Variants in EEA1 observed in about 807,000 individuals in gnomAD.
The protein encoded by EEA1 is early endosome antigen 1, also known as early endosome antigen 1, 162kD.
In EEA1, 111 loss-of-function variants were observed where a neutral mutation model predicts 209.2. The ratio of observed to expected loss-of-function variants is 0.53; its 90% CI spans 0.45 to 0.62. The LOEUF is 0.62. Ranked by LOEUF, EEA1 falls within the 20% of genes least tolerant of loss-of-function variation. The pLI, the probability that EEA1 is intolerant of heterozygous loss-of-function variation, is 0.00. For missense variants in EEA1, 1,343 were observed against 1,530.8 expected, an observed-to-expected ratio of 0.88 and a Z score of 2.05; for synonymous variants, 536 against 540.6, an observed-to-expected ratio of 0.99 and a Z score of 0.12.
chr12:92,883,258 T>TTCAATTCAACAA (rs1259161531), intron 2 of EEA1, among the ~76,000 whole-genome samples: 1 of 152,194 alleles, frequency 6.6e-6, no homozygotes, highest in Non-Finnish European at 1.5e-5. Context: ...AATGGGGCTT[T>TTCAATTCAACAA]TTGCTTGTTC....
intron 2 of EEA1, among the ~76,000 whole-genome samples, chr12:92,886,261 A>G (rs1879379350): frequency 6.7e-6 from 1 of 149,030 alleles, no homozygotes; most frequent in Non-Finnish European, 1.5e-5. Flanking sequence ...CAGCTACTCA[A>G]GAGGCTGAGG....
intron 14 of EEA1, 41 bp downstream of exon 14, chr12:92,819,267 A>C (rs1875937057): frequency 6.8e-7 from 1 of 1,473,312 alleles, no homozygotes; most frequent in East Asian, 2.3e-5. Context: ...TTAGAGAGAC[A>C]GAAGTAAATT....
chr12:92,928,094 C>A (rs1003362945), intron 1 of EEA1, among the ~76,000 whole-genome samples: 1 of 152,068 alleles, frequency 6.6e-6, no homozygotes, highest in South Asian at 2.1e-4. Context: ...AGGCTCGGCA[C>A]CTACTTTTCA....
At chr12:92,869,830 C>G (rs1285485043) in intron 2 of EEA1, among the ~76,000 whole-genome samples, 1 of 128,210 alleles carries the variant, frequency 7.8e-6, no homozygotes, top group Non-Finnish European at 1.6e-5. Flanking sequence ...GAGATTATTA[C>G]TTTTGATTTT....
At chr12:92,924,142 A>C (rs564880370) in intron 1 of EEA1, among the ~76,000 whole-genome samples, 47 of 152,110 alleles carry the variant, frequency 3.1e-4, no homozygotes, top group African/African-American at 1.1e-3. Context: ...TAAGAAAAGA[A>C]AGTTAAACAC....
At chr12:92,817,433 C>T (rs964072541) in intron 14 of EEA1, among the ~76,000 whole-genome samples, 5 of 151,920 alleles carry the variant, frequency 3.3e-5, no homozygotes, top group African/African-American at 1.2e-4. Flanking sequence ...AGTGCAGTAG[C>T]ACAGTGATAG....
chr12:92,897,370 C>T (rs138218890), intron 1 of EEA1, among the ~76,000 whole-genome samples: 1 of 152,280 alleles, frequency 6.6e-6, no homozygotes, highest in African/African-American at 2.4e-5. Flanking sequence ...AGGAGTGTGA[C>T]CTTTGTAACT....
In EEA1 at chr12:92,775,447, A is replaced by G. The variant is rs909283064; in HGVS notation, c.*564T>C. 1 of 152,018 alleles carries G rather than the reference A, an allele frequency of 6.6e-6. No homozygotes were observed. The highest frequency in any genetic ancestry group is 2.4e-5 in the African/African-American group (1 of 41,440). The allele number at this position is 152,018 out of a possible 1,614,324, so 9.4% of individuals were successfully genotyped here. On this transcript the variant is annotated 3_prime_UTR_variant, in exon 29 of 29. Coordinates refer to ENST00000322349, the MANE Select transcript of EEA1 (RefSeq NM_003566.4). ...ACATATTTTAAGATAAACTGTATTTAGAACACCCAAGTAGTAAATTCATAA... is the reference window on the plus strand; with the variant it reads ...ACATATTTTAAGATAAACTGTATTTGGAACACCCAAGTAGTAAATTCATAA...
intron 22 of EEA1, among the ~76,000 whole-genome samples, chr12:92,785,847 G>A (rs927614280): frequency 2.0e-5 from 3 of 152,074 alleles, no homozygotes; most frequent in Non-Finnish European, 4.4e-5. Flanking sequence ...TTGTCCCTCA[G>A]CTTTCTCTTT....
chr12:92,780,661 A>G (rs1565805126), intron 23 of EEA1, among the ~76,000 whole-genome samples: 1 of 152,176 alleles, frequency 6.6e-6, no homozygotes, highest in Non-Finnish European at 1.5e-5. Flanking sequence ...GGTCAGAGTA[A>G]TGATACTGCA....
At chr12:92,850,249 T>C (rs1877552789) in intron 9 of EEA1, among the ~76,000 whole-genome samples, 1 of 152,158 alleles carries the variant, frequency 6.6e-6, no homozygotes, top group African/African-American at 2.4e-5. Context: ...CTCAATAAAA[T>C]AGACTTAGGA....
At chr12:92,894,352 C>T (rs1879778505) in intron 1 of EEA1, among the ~76,000 whole-genome samples, 1 of 152,140 alleles carries the variant, frequency 6.6e-6, no homozygotes, top group South Asian at 2.1e-4. Context: ...AAAAGAAGAG[C>T]TGCTCATTTC....
chr12:92,910,571 G>T (rs1880545639), intron 1 of EEA1, among the ~76,000 whole-genome samples: 1 of 152,052 alleles, frequency 6.6e-6, no homozygotes, highest in South Asian at 2.1e-4. Flanking sequence ...ACTGTGGTTT[G>T]TCCATTATTT....
intron 2 of EEA1, among the ~76,000 whole-genome samples, chr12:92,868,472 C>T (rs1341857535): frequency 2.0e-5 from 3 of 152,208 alleles, no homozygotes; most frequent in African/African-American, 4.8e-5. Flanking sequence ...ATCTTCACAA[C>T]TGTGGCTTTT....
In EEA1 at chr12:92,812,965, C is replaced by A; in HGVS notation, c.2043+15G>T. Reference sequence around the variant, plus strand: ...AGCACTAGGTGATAGTATGAAATTGCATCTGTTTCCCTACCTGCTGTTTAT... The same window carrying A: ...AGCACTAGGTGATAGTATGAAATTGAATCTGTTTCCCTACCTGCTGTTTAT... On this transcript the variant is annotated intron_variant, in intron 16 of 28. Coordinates refer to ENST00000322349, the MANE Select transcript of EEA1 (RefSeq NM_003566.4). The A allele has an allele frequency of 6.5e-7, 1 of 1,530,726 alleles. No individual in the cohort carries two copies. Among genetic ancestry groups the A allele is most frequent in the Non-Finnish European group, 8.9e-7 (1 of 1,120,978 alleles). The allele number at this position is 1,530,726 out of a possible 1,614,324, so 94.8% of individuals were successfully genotyped here.
Position 92,811,302 on chromosome 12 carries a change from C to A in EEA1, c.2176G>T (p.Glu726Ter). The change falls in exon 17 of 29, where the codon GAA becomes TAA. Residue 726 changes from glutamate to a stop codon, truncating the protein, a stop_gained. Coordinates refer to ENST00000322349, the MANE Select transcript of EEA1 (RefSeq NM_003566.4). LOFTEE classifies it high-confidence loss of function. ...ACCTTAATTTGACCTTCTAGCTCTT[C>A]GGTTTTCTGTTCTAAAGAGAGGTAT... ...EKYLSLEQKT[E>*]ELEGQIKKLE... 6.4e-7 allele frequency: 1 copy of A among 1,569,350 alleles called. No homozygotes were observed. The highest frequency in any genetic ancestry group is 1.2e-5 in the South Asian group (1 of 83,462).
At position 92,837,146 on chromosome 12, in the gene EEA1, A is replaced by G. The variant is rs575671977; in HGVS notation, c.916-4296T>C. On this transcript the variant is annotated intron_variant, in intron 10 of 28. Coordinates refer to ENST00000322349, the MANE Select transcript of EEA1 (RefSeq NM_003566.4). ...ATTTAAAAAAAAAAAAAAAAAACCAACAACAACCCACATTCACTAAGGTGC... is the reference window on the plus strand; with the variant it reads ...ATTTAAAAAAAAAAAAAAAAAACCAGCAACAACCCACATTCACTAAGGTGC... 2.6e-5 allele frequency among the ~76,000 whole-genome samples: 4 copies of G among 151,366 alleles called. No homozygotes were observed. In the South Asian group the frequency reaches 8.3e-4, roughly 32 times the overall value.
At chr12:92,886,998 C>CAAA (rs34619189) in intron 2 of EEA1, among the ~76,000 whole-genome samples, 93,397 of 149,864 alleles carry the variant, frequency 0.62, 29,642 homozygotes, top group East Asian at 0.94. Flanking sequence ...GACTCCATCT[C>CAAA]AACAAACAAA....
At chr12:92,817,358 TA>T (rs1875842659) in intron 14 of EEA1, among the ~76,000 whole-genome samples, 1 of 152,152 alleles carries the variant, frequency 6.6e-6, no homozygotes, top group East Asian at 1.9e-4. Context: ...CAATTATTTT[TA>T]TTTTTTTTTT....
Sources: gnomAD v4.1 joint callset for allele counts (sites outside exome capture counted in the v4.1 genomes callset) on GRCh38, gnomAD v4.1.1 for gene constraint, MANE v1.5 for transcripts, NCBI Gene and HGNC (gene_info 2026-07-23, HGNC 2026-07-21) for gene names.